The following OSBPL10 variants were observed in gnomAD, a reference collection of about 807,000 sequenced individuals.
The protein encoded by OSBPL10 is oxysterol binding protein like 10.
A neutral mutation model predicts 81.7 loss-of-function variants in OSBPL10; 49 were observed. The ratio of observed to expected loss-of-function variants is 0.60; its 90% CI spans 0.48 to 0.76. The LOEUF (loss-of-function observed/expected upper bound fraction) is 0.76, where lower values mean the gene tolerates loss of function less well. Among genes scored for constraint, OSBPL10 ranks in the 30% least tolerant of loss-of-function variants. The pLI, the probability that OSBPL10 is intolerant of heterozygous loss-of-function variation, is 0.00. For missense variants in OSBPL10, 923 were observed against 987.8 expected (o/e 0.93, Z 0.88); for synonymous variants, 419 against 383.6 (o/e 1.09, Z -1.08).
rs1452393003 is a variant in OSBPL10, at chr3:31,698,020, C to T, written c.1245+4339G>A. On this transcript the variant is annotated intron_variant, in intron 7 of 11. Transcript: ENST00000396556. ...CTTGTAATCCACCCACCTCGGCCTC[C>T]CAAAGTACTGGGATTACAGGCGTGA... Among the ~76,000 whole-genome samples the T allele has an allele frequency of 2.0e-5, 3 of 152,050 alleles. No individual in the cohort carries two copies. In the East Asian group the frequency reaches 5.8e-4, roughly 29 times the overall value.
intron 5 of OSBPL10, among the ~76,000 whole-genome samples, chr3:31,736,135 G>T (rs573354600): frequency 1.3e-5 from 2 of 152,328 alleles, no homozygotes; most frequent in South Asian, 4.1e-4. Flanking sequence ...GGAATGGGGA[G>T]TTAACGTTTA....
chr3:31,798,247 T>G lies in OSBPL10; in HGVS notation c.729+31793A>C, dbSNP rs149600954. 4.6e-3 allele frequency among the ~76,000 whole-genome samples: 704 copies of G among 152,124 alleles called. 7 individuals carry two copies. Among genetic ancestry groups the G allele is most frequent in the African/African-American group, 0.015 (639 of 41,514 alleles). ...GGAGTTTGAGACCAGCTGGCCAACA[T>G]GATGAAACCCCGTCTCTAGTAAAAA... On this transcript the variant is annotated intron_variant, in intron 4 of 11. Transcript: ENST00000396556.
intron 3 of OSBPL10, among the ~76,000 whole-genome samples, chr3:31,850,559 C>T (rs766223016): frequency 1.3e-5 from 2 of 152,064 alleles, no homozygotes; most frequent in African/African-American, 4.8e-5. Context: ...AAAAAGGAAA[C>T]CAAAATTCTA....
intron 1 of OSBPL10, among the ~76,000 whole-genome samples, chr3:32,072,267 G>A (rs1699835578): frequency 6.6e-6 from 1 of 152,170 alleles, no homozygotes; most frequent in Admixed American, 6.5e-5. Context: ...GGAAGCTGGA[G>A]TCATACACTG....
intron 5 of OSBPL10, among the ~76,000 whole-genome samples, chr3:31,746,600 C>T (rs948440701): frequency 8.6e-5 from 13 of 151,662 alleles, no homozygotes; most frequent in African/African-American, 2.7e-4. Flanking sequence ...ATTGCTTGAA[C>T]CCGGGAGGCA....
In OSBPL10 at chr3:31,779,330, A is replaced by C. The variant is rs78785326; in HGVS notation, c.730-31210T>G. 1.3e-4 allele frequency among the ~76,000 whole-genome samples: 20 copies of C among 152,318 alleles called. No individual in the cohort carries two copies. The East Asian group carries it at 3.9e-3, about 29-fold the overall frequency. On this transcript the variant is annotated intron_variant, in intron 4 of 11. Transcript: ENST00000396556. ...CTGCTGTCTTAAAGAGACTCACCTA[A>C]TGCATAAGGGCTGACATAAACTCAA...
At chr3:31,789,959 T>C (rs1432571525) in intron 4 of OSBPL10, among the ~76,000 whole-genome samples, 1 of 70,548 alleles carries the variant, frequency 1.4e-5, no homozygotes, top group Non-Finnish European at 2.9e-5. Context: ...TTTTTATTCT[T>C]TTTTTTTTGC....
chr3:31,696,521 T>G (rs1695726531), intron 7 of OSBPL10, among the ~76,000 whole-genome samples: 1 of 152,266 alleles, frequency 6.6e-6, no homozygotes, highest in Non-Finnish European at 1.5e-5. Context: ...GGCCCCAGCT[T>G]TCTTGACCCA....
chr3:31,833,706 C>CAT (rs759844179), intron 3 of OSBPL10, among the ~76,000 whole-genome samples: 2 of 50,170 alleles, frequency 4.0e-5, no homozygotes, highest in African/African-American at 1.3e-4. Context: ...CACGCACACG[C>CAT]ACACACACAC....
chr3:31,860,871 G>T (rs9859255), intron 3 of OSBPL10, among the ~76,000 whole-genome samples: 34,820 of 136,384 alleles, frequency 0.26, 4,741 homozygotes, highest in Non-Finnish European at 0.33. Context: ...TTTTTTTTGG[G>T]TTTTTTTTTT....
intron 1 of OSBPL10, 75 bp from the exon 2 acceptor site, chr3:31,879,905 T>C: frequency 6.9e-7 from 1 of 1,444,596 alleles, no homozygotes; most frequent in Non-Finnish European, 9.3e-7. Context: ...AAAAGCAAAG[T>C]GATCCAGAAG....
At chr3:32,066,887 A>G (rs188364467) in intron 1 of OSBPL10, among the ~76,000 whole-genome samples, 117 of 152,318 alleles carry the variant, frequency 7.7e-4, no homozygotes, top group African/African-American at 2.4e-3. Flanking sequence ...GGAGTCACTC[A>G]TGCTAAAGTT....
rs200571624 is a variant in OSBPL10 at position 31,751,359 on chromosome 3, TAAAC to T, written c.730-3243_730-3240del. Among the ~76,000 whole-genome samples, 650 of 148,650 alleles carry T rather than the reference TAAAC, an allele frequency of 4.4e-3. 1 individual carries two copies. The highest frequency in any genetic ancestry group is 6.5e-3 in the Non-Finnish European group (441 of 67,380). ...GAGACCTTGTCTCAAAATAAATAAATAAACAAACAAACAAACAAATAAAATAAAA... is the reference window on the plus strand; with the variant it reads ...GAGACCTTGTCTCAAAATAAATAAATAAACAAACAAACAAATAAAATAAAA... On this transcript the variant is annotated intron_variant, in intron 4 of 11. Coordinates refer to ENST00000396556, the MANE Select transcript of OSBPL10 (RefSeq NM_017784.5).
chr3:31,668,012 TAGAC>T (rs377684517), intron 10 of OSBPL10, among the ~76,000 whole-genome samples: 9 of 152,382 alleles, frequency 5.9e-5, no homozygotes, highest in Admixed American at 2.0e-4. Flanking sequence ...TTCCAAATAT[TAGAC>T]AGGTGATTTC....
At chr3:31,956,420 A>G (rs1000900835) in intron 1 of OSBPL10, among the ~76,000 whole-genome samples, 1 of 152,326 alleles carries the variant, frequency 6.6e-6, no homozygotes, top group Non-Finnish European at 1.5e-5. Context: ...CAGAGCACAT[A>G]AAAATGATGG....
At chr3:31,950,084 G>T (rs1391662370) in intron 1 of OSBPL10, among the ~76,000 whole-genome samples, 2 of 152,154 alleles carry the variant, frequency 1.3e-5, no homozygotes, top group Non-Finnish European at 2.9e-5. Flanking sequence ...GACTGTTTCT[G>T]CCAGTAAACT....
chr3:31,870,936 T>C (rs1312709775), intron 3 of OSBPL10, among the ~76,000 whole-genome samples: 2 of 152,144 alleles, frequency 1.3e-5, no homozygotes, highest in East Asian at 1.9e-4. Flanking sequence ...TGTGTGTCTA[T>C]ACTCTGTATC....
intron 4 of OSBPL10, among the ~76,000 whole-genome samples, chr3:31,808,052 C>T (rs140332651): frequency 5.8e-4 from 89 of 152,192 alleles, no homozygotes; most frequent in Admixed American, 1.2e-3. Context: ...ACTTCTATCC[C>T]GATTTTGTAA....
At chr3:32,019,730 ACT>A (rs1318170975) in intron 2 of OSBPL10, among the ~76,000 whole-genome samples, 2 of 152,186 alleles carry the variant, frequency 1.3e-5, no homozygotes, top group Admixed American at 6.5e-5. Flanking sequence ...AAAATTATTA[ACT>A]CTGTTTCTTC....
Sources: gnomAD v4.1 joint callset for allele counts (sites outside exome capture counted in the v4.1 genomes callset) on GRCh38, gnomAD v4.1.1 for gene constraint, MANE v1.5 for transcripts, NCBI Gene and HGNC (gene_info 2026-07-23, HGNC 2026-07-21) for gene names.